FSTL5: variants seen among roughly 807,000 people sequenced by gnomAD.
FSTL5 encodes follistatin-related protein 5.
FSTL5 carries 62 observed loss-of-function variants against 89.1 expected under a neutral mutation model. The observed-to-expected ratio is 0.70, with a 90% CI of 0.57 to 0.86. FSTL5 has a LOEUF of 0.86. Among genes scored for constraint, FSTL5 ranks in the 40% least tolerant of loss-of-function variants. The pLI, the probability that FSTL5 is intolerant of heterozygous loss-of-function variation, is 0.00. For missense variants in FSTL5, 1,057 were observed against 1,001.6 expected (o/e 1.06, Z -0.75); for synonymous variants, 383 against 346.2 (o/e 1.11, Z -1.18).
intron 8 of FSTL5, among the ~76,000 whole-genome samples, chr4:161,571,566 GA>G (rs1733012589): frequency 1.3e-5 from 2 of 152,176 alleles, no homozygotes; most frequent in Middle Eastern, 3.4e-3. Context: ...GAAGGAGGGG[GA>G]AAATGTAACA....
chr4:161,871,324 C>T (rs549906381), intron 4 of FSTL5, among the ~76,000 whole-genome samples: 1 of 151,942 alleles, frequency 6.6e-6, no homozygotes, highest in African/African-American at 2.4e-5. Flanking sequence ...GACTTATTGA[C>T]ATACTTAAAA....
intron 4 of FSTL5, among the ~76,000 whole-genome samples, chr4:161,809,200 C>T (rs984466666): frequency 7.9e-5 from 12 of 152,284 alleles, no homozygotes; most frequent in African/African-American, 2.9e-4. Context: ...GCCTGGGCAA[C>T]ACAGCGAGAC....
At chr4:161,402,693 C>T (rs1326575670) in intron 15 of FSTL5, among the ~76,000 whole-genome samples, 1 of 152,118 alleles carries the variant, frequency 6.6e-6, no homozygotes, top group Non-Finnish European at 1.5e-5. Context: ...TTTTATAGAG[C>T]TTTGAAGATG....
intron 3 of FSTL5, among the ~76,000 whole-genome samples, chr4:162,018,144 A>C (rs776945889): frequency 2.0e-5 from 3 of 152,070 alleles, no homozygotes; most frequent in Non-Finnish European, 4.4e-5. Flanking sequence ...GCCCCTTCTC[A>C]GATAATGCTT....
At chr4:161,444,850 C>A (rs916871750) in intron 15 of FSTL5, among the ~76,000 whole-genome samples, 2 of 151,874 alleles carry the variant, frequency 1.3e-5, no homozygotes, top group African/African-American at 2.4e-5. Context: ...TAAATTTGGA[C>A]TGAACTGAGT....
chr4:162,023,227 G>A (rs1737159400), intron 3 of FSTL5, among the ~76,000 whole-genome samples: 1 of 152,080 alleles, frequency 6.6e-6, no homozygotes. Context: ...CTAAGACTCA[G>A]GAAGAAACGA....
intron 13 of FSTL5, among the ~76,000 whole-genome samples, chr4:161,471,944 T>G (rs912435645): frequency 6.6e-6 from 1 of 151,524 alleles, no homozygotes; most frequent in Non-Finnish European, 1.5e-5. Flanking sequence ...CTTTCTCTTA[T>G]CCCATCTAGC....
intron 4 of FSTL5, among the ~76,000 whole-genome samples, chr4:161,840,745 G>C (rs1731184357): frequency 6.6e-6 from 1 of 152,104 alleles, no homozygotes; most frequent in Non-Finnish European, 1.5e-5. Context: ...GATGAACTGG[G>C]CAATTGATGT....
chr4:161,858,651 C>A (rs1406293228), intron 4 of FSTL5, among the ~76,000 whole-genome samples: 2 of 152,212 alleles, frequency 1.3e-5, no homozygotes, highest in African/African-American at 2.4e-5. Context: ...GACAACAAAT[C>A]TGACTCTTGC....
chr4:161,588,641 A>T (rs1733702088), intron 7 of FSTL5, among the ~76,000 whole-genome samples: 1 of 152,210 alleles, frequency 6.6e-6, no homozygotes, highest in African/African-American at 2.4e-5. Context: ...AATTCTGGAA[A>T]TAGAGAAAGG....
rs190712289 is a variant in FSTL5 at position 161,956,586 on chromosome 4, T to G, written c.161-35934A>C. 2.0e-3 allele frequency among the ~76,000 whole-genome samples: 301 copies of G among 151,964 alleles called. 1 individual carries two copies. Among genetic ancestry groups the G allele is most frequent in the African/African-American group, 6.8e-3 (284 of 41,502 alleles). On this transcript the variant is annotated intron_variant, in intron 3 of 15. Transcript: ENST00000306100. ...AGGTTGGTAAAGGCAAAAACCACAA[T>G]TACTTTTGCACTGACCTAAAACAGT... is the stretch of plus-strand genomic sequence containing the variant.
At chr4:161,802,349 C>T (rs939260983) in intron 4 of FSTL5, among the ~76,000 whole-genome samples, 8 of 151,616 alleles carry the variant, frequency 5.3e-5, no homozygotes, top group Non-Finnish European at 1.0e-4. Flanking sequence ...TATGTGTGTG[C>T]CTGTATATTT....
At chr4:161,503,263 T>C (rs1317359287) in intron 11 of FSTL5, among the ~76,000 whole-genome samples, 5 of 151,782 alleles carry the variant, frequency 3.3e-5, no homozygotes, top group Non-Finnish European at 7.4e-5. Flanking sequence ...TATTTATGTT[T>C]TGCAGGTATC....
At chr4:162,096,439 G>T (rs1400266364) in intron 2 of FSTL5, among the ~76,000 whole-genome samples, 2 of 151,568 alleles carry the variant, frequency 1.3e-5, no homozygotes, top group Non-Finnish European at 3.0e-5. Flanking sequence ...AATCAGAAAT[G>T]CTTTAAGTGA....
At chr4:161,826,982 C>T (rs1361046834) in intron 4 of FSTL5, among the ~76,000 whole-genome samples, 1 of 151,954 alleles carries the variant, frequency 6.6e-6, no homozygotes, top group African/African-American at 2.4e-5. Context: ...TTTATGGGCC[C>T]TGTGAGATTT....
chr4:161,830,435 G>C (rs1369957997), intron 4 of FSTL5, among the ~76,000 whole-genome samples: 1 of 151,740 alleles, frequency 6.6e-6, no homozygotes, highest in Non-Finnish European at 1.5e-5. Context: ...AACTTGCATT[G>C]CCTTGCTTAA....
At chr4:161,881,139 A>G (rs1732615038) in intron 4 of FSTL5, among the ~76,000 whole-genome samples, 1 of 150,440 alleles carries the variant, frequency 6.6e-6, no homozygotes, top group South Asian at 2.1e-4. Context: ...TGTGAAAGCA[A>G]ATTATTTTGG....
At chr4:162,074,187 T>C (rs888550200) in intron 2 of FSTL5, among the ~76,000 whole-genome samples, 2 of 151,848 alleles carry the variant, frequency 1.3e-5, no homozygotes, top group African/African-American at 4.8e-5. Flanking sequence ...TAGTAACTTA[T>C]AGATTTATCA....
intron 3 of FSTL5, among the ~76,000 whole-genome samples, chr4:161,962,548 T>C (rs1227349236): frequency 6.6e-6 from 1 of 151,972 alleles, no homozygotes; most frequent in African/African-American, 2.4e-5. Flanking sequence ...ATTCTTTTTT[T>C]TTTAATTCCT....
Sources: gnomAD v4.1 joint callset for allele counts (sites outside exome capture counted in the v4.1 genomes callset) on GRCh38, gnomAD v4.1.1 for gene constraint, MANE v1.5 for transcripts, NCBI Gene and HGNC (gene_info 2026-07-23, HGNC 2026-07-21) for gene names.